Variants in CLEC16A observed in about 807,000 individuals in gnomAD.
CLEC16A encodes protein CLEC16A.
Under a neutral mutation model 109.5 loss-of-function variants are expected in CLEC16A, and 51 were observed. That is an observed-to-expected ratio of 0.47 (90% CI 0.37 to 0.59). The LOEUF is 0.59. Among genes scored for constraint, CLEC16A ranks in the 20% least tolerant of loss-of-function variants. The probability of loss-of-function intolerance (pLI) is 0.00; values close to 1 mark genes in which losing one functional copy is unlikely to be tolerated. For synonymous variants in CLEC16A, 673 were observed against 564.2 expected, an observed-to-expected ratio of 1.19 and a Z score of -2.73; for missense variants, 1,339 against 1,394.0, an observed-to-expected ratio of 0.96 and a Z score of 0.63.
At chr16:11,135,646 C>G (rs2053514754) in intron 22 of CLEC16A, among the ~76,000 whole-genome samples, 1 of 152,250 alleles carries the variant, frequency 6.6e-6, no homozygotes, top group East Asian at 1.9e-4. Context: ...GCAGGGAACA[C>G]TCCCTGGTTG....
chr16:11,134,465 A>G (rs978090693), intron 22 of CLEC16A, among the ~76,000 whole-genome samples: 11 of 152,204 alleles, frequency 7.2e-5, no homozygotes, highest in African/African-American at 2.4e-4. Context: ...CAGAGCTCAC[A>G]TGAGATAGGC....
At chr16:11,111,924 T>A (rs1455073151) in intron 19 of CLEC16A, among the ~76,000 whole-genome samples, 1 of 152,270 alleles carries the variant, frequency 6.6e-6, no homozygotes, top group African/African-American at 2.4e-5. Flanking sequence ...TTTGCTGCTA[T>A]AAATTTACTC....
chr16:10,953,894 G>A (rs1198535345), intron 1 of CLEC16A, among the ~76,000 whole-genome samples: 4 of 151,624 alleles, frequency 2.6e-5, no homozygotes, highest in East Asian at 1.9e-4. Flanking sequence ...GGGAAATGGC[G>A]TGAACCCAGG....
chr16:11,068,186 G>A (rs77974787), intron 19 of CLEC16A, among the ~76,000 whole-genome samples: 19 of 152,140 alleles, frequency 1.2e-4, no homozygotes, highest in African/African-American at 4.1e-4. Flanking sequence ...TTCCCTCATT[G>A]ATCAAATGAG....
At chr16:11,089,121 G>A (rs954867523) in intron 19 of CLEC16A, among the ~76,000 whole-genome samples, 5 of 152,110 alleles carry the variant, frequency 3.3e-5, no homozygotes, top group East Asian at 1.9e-4. Flanking sequence ...GGATAGCCTC[G>A]GGCTGTCTTG....
chr16:11,119,753 G>A (rs537750386), intron 19 of CLEC16A, among the ~76,000 whole-genome samples: 1 of 152,200 alleles, frequency 6.6e-6, no homozygotes, highest in South Asian at 2.1e-4. Flanking sequence ...GGTGCCATAT[G>A]AATTTTAGGA....
chr16:10,961,421 C>T lies in CLEC16A; in HGVS notation c.210-1034C>T, dbSNP rs1039623245. 2.6e-5 allele frequency among the ~76,000 whole-genome samples: 4 copies of T among 152,182 alleles called. No homozygotes were observed. Among genetic ancestry groups the T allele is most frequent in the African/African-American group, 9.7e-5 (4 of 41,428 alleles). ...AGGCACCCACAACTGAGTCAGCCCG[C>T]AGGCACACCTCATTTCTTCCAAGTG... On this transcript the variant is annotated intron_variant, in intron 2 of 23. Coordinates refer to ENST00000409790, the MANE Select transcript of CLEC16A (RefSeq NM_015226.3). This position sits in a 1 kb window ranked among gnomAD's most constrained non-coding sequence, Gnocchi z 4.3.
At chr16:11,095,399 C>A (rs7205916) in intron 19 of CLEC16A, among the ~76,000 whole-genome samples, 22,529 of 152,158 alleles carry the variant, frequency 0.15, 1,734 homozygotes, top group East Asian at 0.22. Context: ...TTGATCAGTC[C>A]TGACATTCTC....
intron 10 of CLEC16A, among the ~76,000 whole-genome samples, chr16:10,986,753 G>A (rs2043688901): frequency 7.2e-6 from 1 of 138,802 alleles, no homozygotes; most frequent in South Asian, 2.5e-4. Context: ...GTGTGTGTGT[G>A]TGTGTGTGTA....
At chr16:11,047,618 C>T (rs1308830190) in intron 17 of CLEC16A, 2 of 286,642 alleles carry the variant, frequency 7.0e-6, no homozygotes, top group Non-Finnish European at 1.3e-5. Context: ...TTATTGAGGA[C>T]TTACTCTGTG....
At chr16:11,065,451 T>C (rs2048709598) in intron 19 of CLEC16A, among the ~76,000 whole-genome samples, 1 of 152,240 alleles carries the variant, frequency 6.6e-6, no homozygotes, top group Non-Finnish European at 1.5e-5. Context: ...TGAAGACCCA[T>C]TCATGCATTC....
intron 1 of CLEC16A, among the ~76,000 whole-genome samples, chr16:10,956,600 G>A (rs971406556): frequency 4.6e-5 from 7 of 152,260 alleles, no homozygotes; most frequent in East Asian, 3.9e-4. Flanking sequence ...AGCCGTGCCC[G>A]GTGGCACTCC....
intron 22 of CLEC16A, among the ~76,000 whole-genome samples, chr16:11,127,739 G>T (rs117714844): frequency 0.063 from 9,594 of 152,142 alleles, 402 homozygotes; most frequent in Non-Finnish European, 0.094. Context: ...ATGGTGGTGG[G>T]CACCTGTGGT....
At chr16:11,157,268 C>G (rs562127515) in intron 22 of CLEC16A, 1 of 1,174,806 alleles carries the variant, frequency 8.5e-7, no homozygotes, top group South Asian at 1.7e-5. Flanking sequence ...TGGGGGTCGC[C>G]CATGGTGGCA....
At chr16:11,161,408 G>A (rs958601025) in intron 22 of CLEC16A, among the ~76,000 whole-genome samples, 3 of 152,216 alleles carry the variant, frequency 2.0e-5, no homozygotes, top group Non-Finnish European at 4.4e-5. Context: ...CAGAAAAGAA[G>A]CAAAACAGAA....
intron 19 of CLEC16A, among the ~76,000 whole-genome samples, chr16:11,065,752 C>A (rs1025370670): frequency 6.6e-6 from 1 of 152,126 alleles, no homozygotes; most frequent in Admixed American, 6.6e-5. Context: ...GAAGCTTCTA[C>A]GAGAAAGCAC....
chr16:11,172,270 TCACA>T (rs896438454), intron 23 of CLEC16A, among the ~76,000 whole-genome samples: 2 of 151,710 alleles, frequency 1.3e-5, no homozygotes, highest in African/African-American at 4.8e-5. Flanking sequence ...ATGTACGTGG[TCACA>T]CACACATACC....
chr16:11,041,157 G>T (rs988918051), intron 14 of CLEC16A: 1 of 152,266 alleles, frequency 6.6e-6, no homozygotes, highest in Non-Finnish European at 1.5e-5. Context: ...CCACTACCCA[G>T]CTATGAGACC....
chr16:11,071,777 T>TTTTTG (rs2049087432), intron 19 of CLEC16A, among the ~76,000 whole-genome samples: 1 of 148,666 alleles, frequency 6.7e-6, no homozygotes, highest in Non-Finnish European at 1.5e-5. Context: ...TTTTTTTTTT[T>TTTTTG]TTAAGATGAG....
Sources: gnomAD v4.1 joint callset for allele counts (sites outside exome capture counted in the v4.1 genomes callset) on GRCh38, gnomAD v4.1.1 for gene constraint, Gnocchi (gnomAD v3.1) non-coding constraint, MANE v1.5 for transcripts, NCBI Gene and HGNC (gene_info 2026-07-23, HGNC 2026-07-21) for gene names.